Variants in ZNF266 observed in about 807,000 individuals in gnomAD.
ZNF266 encodes the protein zinc finger protein 1.
In ZNF266, 16 loss-of-function variants were observed where a neutral mutation model predicts 16.4. The ratio of observed to expected loss-of-function variants is 0.98; its 90% CI spans 0.66 to 1.48. The LOEUF (loss-of-function observed/expected upper bound fraction) is 1.48, where lower values mean the gene tolerates loss of function less well. ZNF266 is among the 40% of genes most tolerant of loss of function. ZNF266 has a pLI of 0.00. For synonymous variants in ZNF266, 262 were observed against 237.9 expected (o/e 1.10, Z -0.93); for missense variants, 738 against 689.1 (o/e 1.07, Z -0.79).
In ZNF266 at chr19:9,417,227, C is replaced by T. The variant is rs1193779225; in HGVS notation, c.316+601G>A. 2.6e-5 allele frequency among the ~76,000 whole-genome samples: 4 copies of T among 151,824 alleles called. No individual in the cohort carries two copies. The East Asian group carries it at 7.9e-4, about 30-fold the overall frequency. On this transcript the variant is annotated intron_variant, in intron 9 of 10. Transcript: ENST00000592904. ...CTCCACTAATAATACAAAAAATTAA[C>T]CAGGCGTGGCACACACCTGTAGTCC...
In ZNF266 at chr19:9,413,655, TA is replaced by T. The variant is rs746859938; in HGVS notation, c.1470del (p.Ser491ValfsTer4). 1.2e-6 allele frequency: 2 copies of T among 1,613,806 alleles called. No homozygotes were observed. The highest frequency in any genetic ancestry group is 2.2e-5 in the East Asian group (1 of 44,852). On this transcript the variant is annotated frameshift_variant, in exon 11 of 11. Coordinates refer to ENST00000592904, the MANE Select transcript of ZNF266 (RefSeq NM_001370374.1). LOFTEE classifies it low-confidence loss of function (END_TRUNC). ...CCAGTGTGAATTCTCAAATGTCCAC[TA>T]AGATTTGAAGAAATAGCAAAGGCTT... The part of the protein sequence containing the change: ...CGKAFAISSN[L>X]SGHLRIHTGE...
At chr19:9,431,726 G>A (rs891503889) in intron 5 of ZNF266, among the ~76,000 whole-genome samples, 1 of 152,020 alleles carries the variant, frequency 6.6e-6, no homozygotes, top group Non-Finnish European at 1.5e-5. Context: ...TAAGGACTAT[G>A]ACTAACTCCC....
chr19:9,423,672 C>A (rs1371164253), intron 5 of ZNF266, among the ~76,000 whole-genome samples: 1 of 152,150 alleles, frequency 6.6e-6, no homozygotes, highest in Non-Finnish European at 1.5e-5. Flanking sequence ...ATGGTACTGT[C>A]TCCCCAGAGT....
chr19:9,431,209 GGT>G (rs1183883066), intron 5 of ZNF266, among the ~76,000 whole-genome samples: 3 of 152,052 alleles, frequency 2.0e-5, no homozygotes, highest in Non-Finnish European at 4.4e-5. Context: ...CAGCAGTGTG[GGT>G]GTGAGGGCAT....
rs1273500476 is a variant in ZNF266, at chr19:9,413,922, T to C, written c.1204A>G (p.Asn402Asp). The change falls in exon 11 of 11, where the codon AAT (asparagine) becomes GAT (aspartate). Residue 402 changes from asparagine to aspartate, a missense_variant. Asn to Asp is a conservative substitution (Grantham distance 23). Transcript: ENST00000592904. ...AAGTGATCACTGAGGCATGAGGAAT[T>C]TCTAAAGGATTTTCCACATATCTTA... ...ECKICGKSFR[N>D]SSCLSDHFRI... 1.2e-6 allele frequency: 2 copies of C among 1,614,060 alleles called. No individual in the cohort carries two copies. The highest frequency in any genetic ancestry group is 1.7e-6 in the Non-Finnish European group (2 of 1,180,004).
intron 5 of ZNF266, among the ~76,000 whole-genome samples, chr19:9,427,285 T>C (rs1461876910): frequency 2.0e-5 from 3 of 152,084 alleles, no homozygotes. Context: ...AACCAATAAC[T>C]ATTGTGCTTT....
chr19:9,415,757 A>C lies in ZNF266; in HGVS notation c.317-15T>G. 1 of 1,607,170 alleles carries C rather than the reference A, an allele frequency of 6.2e-7. No individual in the cohort carries two copies. The highest frequency in any genetic ancestry group is 8.5e-7 in the Non-Finnish European group (1 of 1,174,500). On this transcript the variant is annotated splice_polypyrimidine_tract_variant and intron_variant, in intron 9 of 10. Transcript: ENST00000592904. ...CCATTCTGAAGCTGAAGAGAAAAAG[A>C]AATGTAAGGGTTTGGAGACATACAG...
At chr19:9,433,283 C>G (rs1020194051) in intron 5 of ZNF266, among the ~76,000 whole-genome samples, 1 of 152,046 alleles carries the variant, frequency 6.6e-6, no homozygotes, top group Non-Finnish European at 1.5e-5. Flanking sequence ...TTTGGCAGCC[C>G]ACATTGGCAG....
At position 9,415,672 on chromosome 19, in the gene ZNF266, G is replaced by A. The variant is rs1013661828; in HGVS notation, c.387C>T (p.Thr129=). The A allele has an allele frequency of 1.9e-6, 3 of 1,612,534 alleles. No homozygotes were observed. Among genetic ancestry groups the A allele is most frequent in the Non-Finnish European group, 2.5e-6 (3 of 1,178,862 alleles). The change falls in exon 10 of 11, where the codon ACC becomes ACT. Residue 129 remains threonine (T), a synonymous_variant. Coordinates refer to ENST00000592904, the MANE Select transcript of ZNF266 (RefSeq NM_001370374.1). ...ATCTTACCATTTGAATCCCACTGGA[G>A]GTTGGCTCCCCCAAAACATCCTGCT... ...ALQQDVLGEP[T]SSGIQMIGSH...
chr19:9,424,814 T>C (rs898973474), intron 5 of ZNF266, among the ~76,000 whole-genome samples: 1 of 152,214 alleles, frequency 6.6e-6, no homozygotes, highest in African/African-American at 2.4e-5. Context: ...AAAGGACTGT[T>C]TGAACTGCGC....
intron 5 of ZNF266, among the ~76,000 whole-genome samples, chr19:9,431,410 GAC>G (rs2071568979): frequency 2.0e-5 from 3 of 152,198 alleles, no homozygotes; most frequent in Admixed American, 1.3e-4. Flanking sequence ...TCATGACACA[GAC>G]AATGCGCATG....
intron 5 of ZNF266, among the ~76,000 whole-genome samples, chr19:9,426,925 A>G (rs2123306341): frequency 6.6e-6 from 1 of 152,350 alleles, no homozygotes; most frequent in Admixed American, 6.5e-5. Context: ...TATTAGGTAT[A>G]AATATGCTAA....
At chr19:9,429,622 C>A (rs903262413) in intron 5 of ZNF266, among the ~76,000 whole-genome samples, 1 of 152,158 alleles carries the variant, frequency 6.6e-6, no homozygotes, top group Non-Finnish European at 1.5e-5. Context: ...CACCATTACA[C>A]TAAAACCTCC....
In ZNF266 at chr19:9,414,167, C is replaced by G; in HGVS notation, c.959G>C (p.Cys320Ser). The change falls in exon 11 of 11, where the codon TGT becomes TCT. Residue 320 changes from cysteine to serine, a missense_variant. By Grantham distance (112) the Cys-to-Ser change is moderately radical. Transcript: ENST00000592904. Reference sequence around the variant, plus strand: ...AGTTTTTCTGTGCTGAGTAAGTTGACAAGACCTGGTGAAGGCTTTCCCACA... The same window carrying G: ...AGTTTTTCTGTGCTGAGTAAGTTGAGAAGACCTGGTGAAGGCTTTCCCACA... ...KECGKAFTRS[C>S]QLTQHRKTHT... is the part of the protein sequence containing the mutation. 6.2e-7 allele frequency: 1 copy of G among 1,613,214 alleles called. No homozygotes were observed.
chr19:9,429,035 A>G (rs2071196654), intron 5 of ZNF266, among the ~76,000 whole-genome samples: 1 of 152,052 alleles, frequency 6.6e-6, no homozygotes, highest in Non-Finnish European at 1.5e-5. Context: ...TGCCCAACCC[A>G]TGTTTCATTT....
At chr19:9,425,164 T>C (rs886344554) in intron 5 of ZNF266, among the ~76,000 whole-genome samples, 17 of 152,120 alleles carry the variant, frequency 1.1e-4, no homozygotes, top group Non-Finnish European at 1.5e-4. Flanking sequence ...ATAAGAACTT[T>C]CCTTTGCGCA....
intron 5 of ZNF266, among the ~76,000 whole-genome samples, chr19:9,429,892 A>G (rs752696369): frequency 7.9e-5 from 12 of 152,198 alleles, no homozygotes; most frequent in Non-Finnish European, 1.3e-4. Context: ...CTACTCCATG[A>G]TGCCTTCTAA....
intron 5 of ZNF266, among the ~76,000 whole-genome samples, chr19:9,421,700 TA>T (rs747923221): frequency 6.6e-6 from 1 of 152,196 alleles, no homozygotes; most frequent in Non-Finnish European, 1.5e-5. Flanking sequence ...TAACATGAGA[TA>T]AAAATTCTAA....
intron 5 of ZNF266, among the ~76,000 whole-genome samples, chr19:9,428,592 T>A (rs1469460462): frequency 6.6e-6 from 1 of 152,106 alleles, no homozygotes; most frequent in Non-Finnish European, 1.5e-5. Context: ...AGAAACAACG[T>A]GCCTGGCCAA....
Sources: gnomAD v4.1 joint callset for allele counts (sites outside exome capture counted in the v4.1 genomes callset) on GRCh38, gnomAD v4.1.1 for gene constraint, MANE v1.5 for transcripts, NCBI Gene and HGNC (gene_info 2026-07-23, HGNC 2026-07-21) for gene names.